FBXO16: variants seen among roughly 807,000 people sequenced by gnomAD.
The protein encoded by FBXO16 is F-box only protein 16.
A neutral mutation model predicts 41.0 loss-of-function variants in FBXO16; 31 were observed. That is an observed-to-expected ratio of 0.76 (90% confidence interval 0.57 to 1.02). The LOEUF is 1.02. FBXO16 is among the 50% of genes least tolerant of loss of function. FBXO16 has a pLI of 0.00. For missense variants in FBXO16, 361 were observed against 346.2 expected, an observed-to-expected ratio of 1.04 and a Z score of -0.34; for synonymous variants, 133 against 117.8, an observed-to-expected ratio of 1.13 and a Z score of -0.84.
intron 6 of FBXO16, among the ~76,000 whole-genome samples, chr8:28,450,625 C>G (rs1379410733): frequency 6.6e-6 from 1 of 152,220 alleles, no homozygotes; most frequent in African/African-American, 2.4e-5. Flanking sequence ...AGCTCAGTCT[C>G]TCTGGCTTGC....
At chr8:28,442,443 G>A (rs990615626) in intron 7 of FBXO16, among the ~76,000 whole-genome samples, 19 of 152,098 alleles carry the variant, frequency 1.2e-4, no homozygotes, top group African/African-American at 4.6e-4. Flanking sequence ...GAGCGCAATG[G>A]TGCGATCTCA....
chr8:28,482,457 C>A (rs2130200677), intron 2 of FBXO16, among the ~76,000 whole-genome samples: 1 of 152,276 alleles, frequency 6.6e-6, no homozygotes, highest in East Asian at 1.9e-4. Context: ...GGAATAGAAA[C>A]CCCTAGAGGC....
intron 3 of FBXO16, among the ~76,000 whole-genome samples, chr8:28,467,156 T>C (rs943414793): frequency 2.6e-5 from 4 of 152,154 alleles, no homozygotes; most frequent in African/African-American, 4.8e-5. Flanking sequence ...GGGGCTGAGC[T>C]ACGTTGAGAC....
intron 7 of FBXO16, among the ~76,000 whole-genome samples, chr8:28,438,547 G>A (rs940226715): frequency 1.2e-4 from 18 of 152,108 alleles, no homozygotes; most frequent in Admixed American, 3.3e-4. Context: ...TGTGGGCTCA[G>A]GGTGATGGCT....
chr8:28,470,773 C>T (rs1220867128), intron 3 of FBXO16, among the ~76,000 whole-genome samples: 1 of 152,068 alleles, frequency 6.6e-6, no homozygotes, highest in Non-Finnish European at 1.5e-5. Context: ...GCCCATTATT[C>T]TGTAGGGATA....
chr8:28,489,741 T>C (rs1028710754), intron 1 of FBXO16, among the ~76,000 whole-genome samples: 2 of 150,598 alleles, frequency 1.3e-5, no homozygotes, highest in South Asian at 2.1e-4. Flanking sequence ...CCTTGTAGAA[T>C]TGTAGAAATG....
intron 1 of FBXO16, among the ~76,000 whole-genome samples, chr8:28,485,011 T>C (rs546851922): frequency 2.6e-4 from 39 of 152,030 alleles, no homozygotes; most frequent in Admixed American, 1.1e-3. Context: ...TAGTAGCTGA[T>C]TGGGAGTAGT....
At chr8:28,446,176 C>CTTTT (rs11421643) in intron 7 of FBXO16, among the ~76,000 whole-genome samples, 2,626 of 82,996 alleles carry the variant, frequency 0.032, 103 homozygotes, top group Non-Finnish European at 0.044. Flanking sequence ...TGCATTTTTC[C>CTTTT]TTTTTTTTTT....
rs1802879388 is a variant in FBXO16, at chr8:28,447,255, T to C, written c.759A>G (p.Gln253=). Reference sequence around the variant, plus strand: ...ACTGTCGGCTGAAGTCTGGGGTCATTTGGTTTCTTTTTCTTCTTCTGTAAA... The same window carrying C: ...ACTGTCGGCTGAAGTCTGGGGTCATCTGGTTTCTTTTTCTTCTTCTGTAAA... ...TVQQGRRKRN[Q]MTPDFSRQSH... Residue 253 remains glutamine (Q), a synonymous_variant, in exon 7 of 9, where the codon CAA becomes CAG. Coordinates refer to ENST00000380254, the MANE Select transcript of FBXO16 (RefSeq NM_172366.4). 6.2e-7 allele frequency: 1 copy of C among 1,612,888 alleles called. No homozygotes were observed. The highest frequency in any genetic ancestry group is 1.3e-5 in the African/African-American group (1 of 74,852).
intron 1 of FBXO16, among the ~76,000 whole-genome samples, chr8:28,487,260 CT>C (rs999439981): frequency 1.3e-5 from 2 of 152,064 alleles, no homozygotes; most frequent in African/African-American, 4.8e-5. Context: ...TGTGGACGTC[CT>C]GCCTCGTCTC....
intron 1 of FBXO16, among the ~76,000 whole-genome samples, chr8:28,484,434 T>C (rs1803567986): frequency 2.0e-5 from 3 of 152,316 alleles, no homozygotes; most frequent in African/African-American, 7.2e-5. Flanking sequence ...TTAAAGCACT[T>C]TAATTTTCAG....
intron 4 of FBXO16, among the ~76,000 whole-genome samples, chr8:28,458,793 C>G (rs530596733): frequency 3.9e-5 from 6 of 152,052 alleles, no homozygotes; most frequent in Admixed American, 2.0e-4. Context: ...TTAAGTTGTT[C>G]TTCTTCCCAA....
At chr8:28,437,712 A>G (rs1370679393) in intron 7 of FBXO16, among the ~76,000 whole-genome samples, 1 of 152,096 alleles carries the variant, frequency 6.6e-6, no homozygotes, top group Non-Finnish European at 1.5e-5. Context: ...GTCTCTACCA[A>G]AATTTGAAAA....
Position 28,468,141 on chromosome 8 carries a change from CCTAA to C in FBXO16, c.136-4327_136-4324del, listed in dbSNP as rs1175031421. ...GCGTCACCTCTCAAGCAAAAATACC[CCTAA>C]CTGAGTAGCCAGGGACCTCATGTAT... On this transcript the variant is annotated intron_variant, in intron 3 of 8. Coordinates refer to ENST00000380254, the MANE Select transcript of FBXO16 (RefSeq NM_172366.4). 1.5e-4 allele frequency among the ~76,000 whole-genome samples: 23 copies of C among 152,308 alleles called. No individual in the cohort carries two copies. In the South Asian group the frequency reaches 2.3e-3, roughly 15 times the overall value.
intron 3 of FBXO16, among the ~76,000 whole-genome samples, chr8:28,471,942 A>G (rs1803343494): frequency 6.6e-6 from 1 of 151,490 alleles, no homozygotes; most frequent in South Asian, 2.1e-4. Flanking sequence ...GGATAGTTGT[A>G]TCTTGTTAGG....
chr8:28,482,481 A>G (rs1585922548), intron 2 of FBXO16, among the ~76,000 whole-genome samples: 1 of 151,942 alleles, frequency 6.6e-6, no homozygotes, highest in Non-Finnish European at 1.5e-5. Flanking sequence ...TCAGTCTCAC[A>G]CCCCAGCCGT....
chr8:28,432,631 C>T (rs181139598), intron 7 of FBXO16, among the ~76,000 whole-genome samples: 57 of 152,292 alleles, frequency 3.7e-4, no homozygotes, highest in African/African-American at 1.2e-3. Flanking sequence ...CTTTCACAAA[C>T]GACACCAACA....
At chr8:28,462,138 C>T (rs970929802) in intron 4 of FBXO16, among the ~76,000 whole-genome samples, 1 of 151,888 alleles carries the variant, frequency 6.6e-6, no homozygotes, top group Non-Finnish European at 1.5e-5. Flanking sequence ...CGAGGTCTCC[C>T]TATGTTGCCC....
At chr8:28,441,277 T>C (rs1326716278) in intron 7 of FBXO16, among the ~76,000 whole-genome samples, 1 of 152,142 alleles carries the variant, frequency 6.6e-6, no homozygotes, top group African/African-American at 2.4e-5. Flanking sequence ...AACAAATTCG[T>C]CCCCTAATCT....
Sources: gnomAD v4.1 joint callset for allele counts (sites outside exome capture counted in the v4.1 genomes callset) on GRCh38, gnomAD v4.1.1 for gene constraint, MANE v1.5 for transcripts, NCBI Gene and HGNC (gene_info 2026-07-23, HGNC 2026-07-21) for gene names.